The following SNX30 variants were observed in gnomAD, a reference collection of about 807,000 sequenced individuals.
SNX30 encodes sorting nexin-30.
SNX30 carries 24 observed loss-of-function variants against 46.4 expected under a neutral mutation model. That is an observed-to-expected ratio of 0.52 (90% confidence interval 0.37 to 0.73). SNX30 has a LOEUF of 0.73. Ranked by LOEUF, SNX30 falls within the 30% of genes least tolerant of loss-of-function variation. The probability of loss-of-function intolerance (pLI) is 0.00; values close to 1 mark genes in which losing one functional copy is unlikely to be tolerated. For missense variants in SNX30, 533 were observed against 555.7 expected (o/e 0.96, Z 0.41); for synonymous variants, 189 against 211.5 (o/e 0.89, Z 0.92).
chr9:112,855,069 C>T (rs139657714), intron 7 of SNX30, among the ~76,000 whole-genome samples: 76 of 152,350 alleles, frequency 5.0e-4, no homozygotes, highest in African/African-American at 1.3e-3. Flanking sequence ...CAAGCTTCCC[C>T]TGCCTCCCTA....
chr9:112,786,312 G>T (rs1839925541), intron 1 of SNX30, among the ~76,000 whole-genome samples: 1 of 151,826 alleles, frequency 6.6e-6, no homozygotes, highest in South Asian at 2.1e-4. Context: ...GTAGAGACAG[G>T]GTTTTGTTGT....
At chr9:112,848,143 T>C (rs183782867) in intron 6 of SNX30, among the ~76,000 whole-genome samples, 2 of 152,122 alleles carry the variant, frequency 1.3e-5, no homozygotes, top group Admixed American at 1.3e-4. Flanking sequence ...GTCATATCAA[T>C]GGGATGCAGA....
downstream of SNX30, chr9:112,885,717 G>A (rs1841635052): frequency 6.6e-6 from 1 of 152,156 alleles, no homozygotes; most frequent in African/African-American, 2.4e-5. Context: ...GATTAGATGT[G>A]GAGATGATAT....
intron 8 of SNX30, chr9:112,866,545 C>G (rs1367756390): frequency 6.4e-6 from 3 of 470,388 alleles, no homozygotes; most frequent in Admixed American, 2.4e-5. Flanking sequence ...GCCACAGACC[C>G]CAGATCATCT....
intron 2 of SNX30, among the ~76,000 whole-genome samples, chr9:112,811,626 C>G (rs1398712655): frequency 6.6e-6 from 1 of 152,140 alleles, no homozygotes; most frequent in Non-Finnish European, 1.5e-5. Flanking sequence ...GATGGTGTTA[C>G]ACTTCTAGCA....
chr9:112,842,529 C>G (rs1321333308), intron 6 of SNX30, among the ~76,000 whole-genome samples: 1 of 152,190 alleles, frequency 6.6e-6, no homozygotes, highest in Non-Finnish European at 1.5e-5. Context: ...TTCGAAAGGG[C>G]CTTTAGGATC....
At chr9:112,837,523 T>G (rs1840776798) in intron 5 of SNX30, among the ~76,000 whole-genome samples, 1 of 152,232 alleles carries the variant, frequency 6.6e-6, no homozygotes, top group Non-Finnish European at 1.5e-5. Flanking sequence ...TCGCCCAGGC[T>G]GGAGTGCAGT....
chr9:112,864,258 C>A lies in SNX30; in HGVS notation c.1113C>A (p.Asp371Glu), dbSNP rs149185089. The A allele has an allele frequency of 1.9e-6, 3 of 1,613,920 alleles. No individual in the cohort carries two copies. The highest frequency in any genetic ancestry group is 2.5e-6 in the Non-Finnish European group (3 of 1,179,972). ...CCTCCCTTTTCCAGGTACCGGCGGA[C>A]GTCGAGAAATGTCAGGATCGGATGG... The part of the protein sequence containing the change: ...RKEDRPKVPA[D>E]VEKCQDRMEC... The change falls in exon 8 of 9, where the codon GAC becomes GAA. Residue 371 changes from aspartate to glutamate, a missense_variant. Coordinates refer to ENST00000374232, the MANE Select transcript of SNX30 (RefSeq NM_001012994.2).
chr9:112,765,077 A>G (rs1034937717), intron 1 of SNX30, among the ~76,000 whole-genome samples: 1 of 152,124 alleles, frequency 6.6e-6, no homozygotes, highest in Non-Finnish European at 1.5e-5. Flanking sequence ...CTTGGGGAGG[A>G]GACTGAAACA....
chr9:112,767,044 G>T (rs1839550270), intron 1 of SNX30, among the ~76,000 whole-genome samples: 1 of 151,554 alleles, frequency 6.6e-6, no homozygotes, highest in Admixed American at 6.6e-5. Flanking sequence ...TTCCAAAGCA[G>T]TTGCACCATT....
In SNX30 at chr9:112,750,834, G is replaced by A. The variant is rs1476943721; in HGVS notation, c.-168G>A. 3.4e-5 allele frequency: 15 copies of A among 444,070 alleles called. No individual in the cohort carries two copies. Among genetic ancestry groups the A allele is most frequent in the Non-Finnish European group, 4.5e-5 (15 of 332,920 alleles). The allele number at this position is 444,070 out of a possible 1,614,324, so 27.5% of individuals were successfully genotyped here. ...GCGCGCGGCGCGGAGCGGAGCGTCT[G>A]AGCGCCGGCAGAGACCAGCCGGCGG... On this transcript the variant is annotated 5_prime_UTR_variant, in exon 1 of 9. Coordinates refer to ENST00000374232, the MANE Select transcript of SNX30 (RefSeq NM_001012994.2).
At chr9:112,855,090 C>T (rs556033970) in intron 7 of SNX30, among the ~76,000 whole-genome samples, 7 of 152,246 alleles carry the variant, frequency 4.6e-5, no homozygotes, top group Admixed American at 3.3e-4. Flanking sequence ...GCCCTCCACA[C>T]ACCTGTCCTC....
chr9:112,811,660 T>C (rs1022361229), intron 2 of SNX30, among the ~76,000 whole-genome samples: 4 of 152,210 alleles, frequency 2.6e-5, no homozygotes, highest in African/African-American at 9.6e-5. Flanking sequence ...CCTTCTTGAC[T>C]ATGATTCTTG....
At position 112,871,684 on chromosome 9, in the gene SNX30, C is replaced by T. The variant is rs1281937814; in HGVS notation, c.*2841C>T. On this transcript the variant is annotated 3_prime_UTR_variant, in exon 9 of 9. Coordinates refer to ENST00000374232, the MANE Select transcript of SNX30 (RefSeq NM_001012994.2). The stretch of plus-strand genomic sequence containing the variant: ...CCCAGGCCTGGAAAGTGGGAGATTT[C>T]ATTCGCCCGGGTTAAAAATCCAGAG... 6.6e-6 allele frequency: 1 copy of T among 152,150 alleles called. No individual in the cohort carries two copies. Among genetic ancestry groups the T allele is most frequent in the African/African-American group, 2.4e-5 (1 of 41,432 alleles). The allele number at this position is 152,150 out of a possible 1,614,324, so 9.4% of individuals were successfully genotyped here. A position where few individuals can be genotyped will look rare whatever the true frequency, so the allele number is the denominator to read the frequency against.
At chr9:112,862,446 G>A (rs1841253926) in intron 7 of SNX30, among the ~76,000 whole-genome samples, 1 of 152,200 alleles carries the variant, frequency 6.6e-6, no homozygotes, top group African/African-American at 2.4e-5. Flanking sequence ...AGAGACACTG[G>A]CTCGCTGGGC....
At chr9:112,837,887 C>CTTTTT (rs10713538) in intron 5 of SNX30, among the ~76,000 whole-genome samples, 42 of 71,132 alleles carry the variant, frequency 5.9e-4, no homozygotes, top group Non-Finnish European at 9.5e-4. Flanking sequence ...TGGTTCTTTT[C>CTTTTT]TTTTTTTTTT....
chr9:112,787,268 G>A (rs987776001), intron 1 of SNX30, among the ~76,000 whole-genome samples: 2 of 152,178 alleles, frequency 1.3e-5, no homozygotes, highest in Non-Finnish European at 2.9e-5. Context: ...AACTAGTACT[G>A]TACAGGGAGA....
intron 1 of SNX30, among the ~76,000 whole-genome samples, chr9:112,783,259 G>C (rs1192857287): frequency 6.6e-6 from 1 of 152,186 alleles, no homozygotes; most frequent in African/African-American, 2.4e-5. Flanking sequence ...TCCAGGCTGG[G>C]TTGTGCCTCT....
intron 1 of SNX30, among the ~76,000 whole-genome samples, chr9:112,753,605 A>G (rs370031675): frequency 3.9e-5 from 6 of 152,064 alleles, no homozygotes; most frequent in African/African-American, 1.4e-4. Context: ...CTAGTCTCGA[A>G]CTCCTGGCTT....
Sources: gnomAD v4.1 joint callset for allele counts (sites outside exome capture counted in the v4.1 genomes callset) on GRCh38, gnomAD v4.1.1 for gene constraint, MANE v1.5 for transcripts, NCBI Gene and HGNC (gene_info 2026-07-23, HGNC 2026-07-21) for gene names.